The following HMGA2 variants were observed in gnomAD, a reference collection of about 807,000 sequenced individuals.
The protein encoded by HMGA2 is high mobility group AT-hook 2, also known as high mobility group protein HMGI-C.
HMGA2 carries 8 observed loss-of-function variants against 19.1 expected under a neutral mutation model. The observed-to-expected ratio is 0.42, with a 90% CI of 0.25 to 0.76. HMGA2 has a LOEUF of 0.76. HMGA2 is among the 30% of genes least tolerant of loss of function. The pLI is 0.28. For missense variants in HMGA2, 109 were observed against 136.3 expected, an observed-to-expected ratio of 0.80 and a Z score of 1.00; for synonymous variants, 60 against 48.8, an observed-to-expected ratio of 1.23 and a Z score of -0.96.
At chr12:65,859,600 C>T (rs1266393991) in intron 3 of HMGA2, 2 of 152,232 alleles carry the variant, frequency 1.3e-5, no homozygotes, top group Non-Finnish European at 2.9e-5. Context: ...TTTTCAGCTG[C>T]TTAAAATCTT....
At chr12:65,907,332 C>G (rs765147083) in intron 3 of HMGA2, among the ~76,000 whole-genome samples, 4 of 150,846 alleles carry the variant, frequency 2.7e-5, no homozygotes, top group Non-Finnish European at 5.9e-5. Context: ...ATAGCTTGAA[C>G]CAGGGAGGCA....
chr12:65,881,862 G>C lies in HMGA2; in HGVS notation c.249+43293G>C, dbSNP rs1430538949. 23 of 702,910 alleles carry C rather than the reference G, an allele frequency of 3.3e-5. No homozygotes were observed. The East Asian group carries it at 5.6e-4, about 17-fold the overall frequency. 43.5% of individuals were successfully genotyped at this position (702,910 alleles called of 1,614,324 possible). On this transcript the variant is annotated intron_variant, in intron 3 of 4. Coordinates refer to ENST00000403681, the MANE Select transcript of HMGA2 (RefSeq NM_003483.6). Reference sequence around the variant, plus strand: ...TCCTTGAACTGCACTCTTTTCCCTTGCACTCAGAGGTGGCCCGAGAGAGCC... The same window carrying C: ...TCCTTGAACTGCACTCTTTTCCCTTCCACTCAGAGGTGGCCCGAGAGAGCC...
At chr12:65,887,897 GACA>G (rs1455473467) in intron 3 of HMGA2, among the ~76,000 whole-genome samples, 1 of 148,550 alleles carries the variant, frequency 6.7e-6, no homozygotes, top group Non-Finnish European at 1.5e-5. Context: ...AAAAAGCAAT[GACA>G]ACAACATTTG....
intron 3 of HMGA2, chr12:65,851,359 C>CA (rs1555181569): frequency 6.0e-6 from 1 of 166,124 alleles, no homozygotes; most frequent in South Asian, 1.3e-4. Flanking sequence ...ACTAAAAATA[C>CA]AAAAAATTAG....
chr12:65,898,538 T>C (rs1197242125), intron 3 of HMGA2, among the ~76,000 whole-genome samples: 1 of 152,150 alleles, frequency 6.6e-6, no homozygotes. Context: ...TCATGCATTT[T>C]AAAATATCGG....
chr12:65,843,698 A>T (rs1295911144), intron 3 of HMGA2, among the ~76,000 whole-genome samples: 2 of 146,506 alleles, frequency 1.4e-5, no homozygotes, highest in East Asian at 4.1e-4. Context: ...ACACACACAC[A>T]AGCACACACA....
chr12:65,952,135 G>A (rs1047232546), intron 4 of HMGA2: 3 of 465,418 alleles, frequency 6.4e-6, no homozygotes, highest in East Asian at 6.6e-5. Context: ...AATAATGTGA[G>A]CCAGTATTAA....
At chr12:65,927,955 A>G (rs1283241807) in intron 3 of HMGA2, among the ~76,000 whole-genome samples, 2 of 75,540 alleles carry the variant, frequency 2.6e-5, no homozygotes, top group Non-Finnish European at 5.0e-5. Flanking sequence ...GTGAGTATAT[A>G]TATATATATA....
chr12:65,838,982 C>CTTTTTTTTT (rs761437964), intron 3 of HMGA2, among the ~76,000 whole-genome samples: 3 of 103,140 alleles, frequency 2.9e-5, no homozygotes, highest in African/African-American at 2.1e-4. Flanking sequence ...TTTTCTTTTT[C>CTTTTTTTTT]TTTCTTTTTC....
At chr12:65,839,879 T>C (rs976579559) in intron 3 of HMGA2, among the ~76,000 whole-genome samples, 1 of 152,202 alleles carries the variant, frequency 6.6e-6, no homozygotes, top group Admixed American at 6.5e-5. Flanking sequence ...TCTGACTACC[T>C]GTAACTTCCG....
chr12:65,829,736 A>T (rs955338337), intron 2 of HMGA2, among the ~76,000 whole-genome samples: 2 of 152,062 alleles, frequency 1.3e-5, no homozygotes, highest in African/African-American at 2.4e-5. Flanking sequence ...GGATGAATAG[A>T]TAGAAACGCT....
In HMGA2 at chr12:65,933,551, AT is replaced by A. The variant is rs1319294653; in HGVS notation, c.250-17830del. 9.5e-4 allele frequency among the ~76,000 whole-genome samples: 144 copies of A among 152,338 alleles called. 3 individuals carry two copies. The highest frequency in any genetic ancestry group is 9.3e-3 in the Admixed American group (142 of 15,296). On this transcript the variant is annotated intron_variant, in intron 3 of 4. Coordinates refer to ENST00000403681, the MANE Select transcript of HMGA2 (RefSeq NM_003483.6). ...TAACATTTTGTATACAGAATGATGC[AT>A]TCAGTGAATGAGGTAATTAATGCTA...
chr12:65,841,113 A>G (rs1367069576), intron 3 of HMGA2, among the ~76,000 whole-genome samples: 1 of 152,146 alleles, frequency 6.6e-6, no homozygotes, highest in African/African-American at 2.4e-5. Context: ...TTGATGATTC[A>G]GCCAAGCAGG....
chr12:65,888,222 G>A (rs952828114), intron 3 of HMGA2, among the ~76,000 whole-genome samples: 2 of 152,054 alleles, frequency 1.3e-5, no homozygotes, highest in Admixed American at 1.3e-4. Context: ...TTAGGAGGCC[G>A]AGGCGGGTGG....
At chr12:65,849,197 T>A (rs1032275337) in intron 3 of HMGA2, among the ~76,000 whole-genome samples, 1 of 152,228 alleles carries the variant, frequency 6.6e-6, no homozygotes, top group Non-Finnish European at 1.5e-5. Flanking sequence ...CCCTACATTT[T>A]CTTTCCTGCC....
Position 65,963,280 on chromosome 12 carries a change from C to T in HMGA2, c.318C>T (p.Ala106=), listed in dbSNP as rs778563109. The T allele has an allele frequency of 1.1e-5, 18 of 1,613,380 alleles. No homozygotes were observed. The East Asian group carries it at 3.3e-4, about 30-fold the overall frequency. The change falls in exon 5 of 5, where the codon GCC becomes GCT. Residue 106 remains alanine, a synonymous_variant. Transcript: ENST00000403681. ...AAGAGACATCCTCACAAGAGTCTGC[C>T]GAAGAGGACTAGGGGGCGCCAACGT... The part of the protein sequence containing the change: ...ETEETSSQES[A]EED
chr12:65,929,238 A>G (rs1372213822), intron 3 of HMGA2, among the ~76,000 whole-genome samples: 2 of 152,104 alleles, frequency 1.3e-5, no homozygotes, highest in African/African-American at 2.4e-5. Flanking sequence ...CATGTTTTCC[A>G]TACTCTATAG....
chr12:65,867,686 C>T (rs145981635), intron 3 of HMGA2: 5 of 237,736 alleles, frequency 2.1e-5, no homozygotes, highest in African/African-American at 8.8e-5. Context: ...TAGTCAGAGC[C>T]GTAAGGCTGC....
At chr12:65,861,600 A>T (rs1872072114) in intron 3 of HMGA2, among the ~76,000 whole-genome samples, 1 of 149,726 alleles carries the variant, frequency 6.7e-6, no homozygotes, top group Non-Finnish European at 1.5e-5. Context: ...CGTTTTAGGT[A>T]ATATTGATTT....
Sources: allele counts gnomAD v4.1 joint callset (sites outside exome capture counted in the v4.1 genomes callset), GRCh38; gene constraint gnomAD v4.1.1; transcripts MANE v1.5; gene names NCBI Gene and HGNC (gene_info 2026-07-23, HGNC 2026-07-21).